LCORL: variants seen among roughly 807,000 people sequenced by gnomAD.
The protein encoded by LCORL is ligand dependent nuclear receptor corepressor like, also known as ligand-dependent nuclear receptor corepressor-like protein.
Under a neutral mutation model 141.8 loss-of-function variants are expected in LCORL, and 41 were observed. The observed-to-expected ratio is 0.29, with a 90% CI of 0.23 to 0.38. The LOEUF is 0.38. Ranked by LOEUF, LCORL falls within the 10% of genes least tolerant of loss-of-function variation. The pLI is 1.00. For synonymous variants in LCORL, 618 were observed against 694.1 expected (o/e 0.89, Z 1.72); for missense variants, 1,759 against 2,035.0 (o/e 0.86, Z 2.61).
chr4:17,883,493 A>G (rs1350761681), intron 6 of LCORL: 4 of 1,245,068 alleles, frequency 3.2e-6, no homozygotes, highest in Non-Finnish European at 4.0e-6. Context: ...ATCAGAATTA[A>G]GTAAGCAACT....
intron 4 of LCORL, among the ~76,000 whole-genome samples, chr4:17,943,672 CTGAAA>C (rs1434383788): frequency 2.0e-5 from 3 of 152,128 alleles, no homozygotes. Flanking sequence ...CATGGGCTTC[CTGAAA>C]TTTCTTTTTA....
chr4:17,845,704 G>A (rs1014665215), exon 8 of LCORL: 1 of 1,582,858 alleles, frequency 6.3e-7, no homozygotes, highest in Non-Finnish European at 8.6e-7. Context: ...TAAAGATAGT[G>A]CAAGAAGAAC....
At chr4:17,919,735 T>G (rs1734000955) in intron 4 of LCORL, among the ~76,000 whole-genome samples, 1 of 152,170 alleles carries the variant, frequency 6.6e-6, no homozygotes, top group Non-Finnish European at 1.5e-5. Context: ...TTGGGTGTGT[T>G]AGGTCTCAGG....
chr4:17,987,794 A>G (rs1186713328), intron 1 of LCORL, among the ~76,000 whole-genome samples: 1 of 152,220 alleles, frequency 6.6e-6, no homozygotes, highest in African/African-American at 2.4e-5. Flanking sequence ...CCTTGGTGAA[A>G]TGTCTATTCA....
chr4:17,930,503 A>G (rs1735846313), intron 4 of LCORL, among the ~76,000 whole-genome samples: 1 of 152,240 alleles, frequency 6.6e-6, no homozygotes, highest in African/African-American at 2.4e-5. Flanking sequence ...ATTTAAACCT[A>G]GGATATATGT....
intron 6 of LCORL, chr4:17,882,173 T>A: frequency 1.0e-6 from 1 of 984,228 alleles, no homozygotes; most frequent in Non-Finnish European, 1.2e-6. Flanking sequence ...TATATATGAT[T>A]ATTAAATACA....
chr4:17,949,865 A>G (rs755503830), intron 4 of LCORL, among the ~76,000 whole-genome samples: 81 of 152,260 alleles, frequency 5.3e-4, no homozygotes, highest in Admixed American at 9.2e-4. Flanking sequence ...TTTGAGGATC[A>G]CAGTTCAGTG....
intron 4 of LCORL, among the ~76,000 whole-genome samples, chr4:17,913,236 C>T (rs966864755): frequency 3.9e-5 from 6 of 152,162 alleles, no homozygotes; most frequent in Non-Finnish European, 8.8e-5. Flanking sequence ...AATTCTGACT[C>T]AAAAATTAAA....
chr4:17,860,257 A>G (rs1038072431), intron 7 of LCORL, among the ~76,000 whole-genome samples: 8 of 152,230 alleles, frequency 5.3e-5, no homozygotes, highest in African/African-American at 1.9e-4. Flanking sequence ...TGATAGAGAC[A>G]TACCCGAGAC....
chr4:17,957,416 A>C (rs1349227035), intron 4 of LCORL, among the ~76,000 whole-genome samples: 1 of 152,010 alleles, frequency 6.6e-6, no homozygotes, highest in African/African-American at 2.4e-5. Flanking sequence ...AAAGAGGAAC[A>C]CTCAGAGAAG....
chr4:17,952,664 C>T (rs1711647551), intron 4 of LCORL, among the ~76,000 whole-genome samples: 1 of 152,126 alleles, frequency 6.6e-6, no homozygotes, highest in South Asian at 2.1e-4. Flanking sequence ...ATCCGCCCGC[C>T]TCGGCCTCCC....
intron 5 of LCORL, among the ~76,000 whole-genome samples, chr4:17,896,999 T>C (rs1577356081): frequency 6.6e-6 from 1 of 152,132 alleles, no homozygotes; most frequent in East Asian, 1.9e-4. Context: ...CTGATTTTGC[T>C]TAACATAATG....
rs182817618 is a variant in LCORL, at chr4:17,921,721, G to A, written c.431-12376C>T. Among the ~76,000 whole-genome samples the A allele has an allele frequency of 7.7e-3, 1,166 of 152,170 alleles. 7 individuals are homozygous for A. Among genetic ancestry groups the A allele is most frequent in the Non-Finnish European group, 0.012 (822 of 68,012 alleles). On this transcript the variant is annotated intron_variant, in intron 4 of 7. Coordinates refer to ENST00000635767, the Ensembl canonical transcript of LCORL. ...TATTGTTCCTGGTTGTGTCTGGGAG[G>A]GTGTTGCAAAGGAGATTAACATTTG...
chr4:17,907,593 T>C (rs1434099801), intron 5 of LCORL, among the ~76,000 whole-genome samples: 3 of 152,162 alleles, frequency 2.0e-5, no homozygotes, highest in African/African-American at 7.2e-5. Flanking sequence ...AGTTCCAAAA[T>C]TCTAAGTACT....
chr4:17,864,403 A>G (rs987410041), intron 7 of LCORL, among the ~76,000 whole-genome samples: 7 of 152,084 alleles, frequency 4.6e-5, no homozygotes, highest in Non-Finnish European at 1.0e-4. Context: ...TTTTGTAGAG[A>G]CAGAGTTTCA....
chr4:18,010,016 C>T (rs1340759538), intron 1 of LCORL, among the ~76,000 whole-genome samples: 1 of 152,066 alleles, frequency 6.6e-6, no homozygotes, highest in African/African-American at 2.4e-5. Flanking sequence ...CATTGAAGAA[C>T]AATTAATTAT....
chr4:17,930,696 C>T (rs73802707), intron 4 of LCORL, among the ~76,000 whole-genome samples: 32,274 of 152,014 alleles, frequency 0.21, 4,037 homozygotes, highest in African/African-American at 0.35. Context: ...TTACGTTTGA[C>T]GCTTTTGTAT....
intron 1 of LCORL, among the ~76,000 whole-genome samples, chr4:17,977,062 G>C (rs1000207011): frequency 6.6e-6 from 1 of 152,022 alleles, no homozygotes; most frequent in African/African-American, 2.4e-5. Flanking sequence ...CATGAGAATC[G>C]AATCTTACAG....
At chr4:17,992,380 T>G (rs1190572411) in intron 1 of LCORL, among the ~76,000 whole-genome samples, 2 of 152,036 alleles carry the variant, frequency 1.3e-5, no homozygotes, top group East Asian at 3.9e-4. Context: ...CCCTAACACG[T>G]GGGGATTACA....
Sources: allele counts gnomAD v4.1 joint callset (sites outside exome capture counted in the v4.1 genomes callset), GRCh38; gene constraint gnomAD v4.1.1; transcripts MANE v1.5; gene names NCBI Gene and HGNC (gene_info 2026-07-23, HGNC 2026-07-21).